The following DZIP1L variants were observed in gnomAD, a reference collection of about 807,000 sequenced individuals.
DZIP1L encodes cilium assembly protein DZIP1L.
DZIP1L carries 90 observed loss-of-function variants against 88.7 expected under a neutral mutation model. The observed-to-expected ratio is 1.02, with a 90% CI of 0.86 to 1.21. The LOEUF (loss-of-function observed/expected upper bound fraction) is 1.21, where lower values mean the gene tolerates loss of function less well. Ranked by LOEUF, DZIP1L falls within the 50% of genes most tolerant of loss-of-function variation. The pLI, the probability that DZIP1L is intolerant of heterozygous loss-of-function variation, is 0.00. For missense variants in DZIP1L, 932 were observed against 955.8 expected (o/e 0.98, Z 0.33); for synonymous variants, 363 against 372.1 (o/e 0.98, Z 0.28).
chr3:138,084,113 C>G lies in DZIP1L; in HGVS notation c.1203G>C (p.Met401Ile). The change falls in exon 8 of 16, where the codon ATG becomes ATC. Residue 401 changes from methionine (M) to isoleucine (I), a missense_variant and splice_region_variant. Met to Ile is a conservative substitution (Grantham distance 10). Transcript: ENST00000327532. The part of the protein sequence containing the change: ...QARIIASQEE[M>I]IQSLSLRKVE... ...TGGCTGAAAGGAAGGGCAGACCTAC[C>G]ATCTCCTCCTGGGAGGCAATGATCC... 1 of 1,613,450 alleles carries G rather than the reference C, an allele frequency of 6.2e-7. No homozygotes were observed. Among genetic ancestry groups the G allele is most frequent in the Non-Finnish European group, 8.5e-7 (1 of 1,179,664 alleles).
chr3:138,067,473 G>C (rs1380930611), intron 14 of DZIP1L, 58 bp downstream of exon 14: 1 of 1,508,894 alleles, frequency 6.6e-7, no homozygotes, highest in Non-Finnish European at 8.8e-7. Flanking sequence ...GAGAAATCTG[G>C]GCTGGAGAAG....
intron 6 of DZIP1L, among the ~76,000 whole-genome samples, chr3:138,087,403 C>T (rs920362086): frequency 5.9e-5 from 9 of 152,136 alleles, no homozygotes; most frequent in African/African-American, 1.7e-4. Flanking sequence ...AAAGAAAATA[C>T]GAATAATTGG....
In DZIP1L at chr3:138,077,607, C is replaced by T. The variant is rs1244295543; in HGVS notation, c.1314G>A (p.Gln438=). The T allele has an allele frequency of 6.2e-7, 1 of 1,614,192 alleles. No individual in the cohort carries two copies. Residue 438 remains glutamine, a synonymous_variant, in exon 11 of 16, where the codon CAG becomes CAA. Coordinates refer to ENST00000327532, the MANE Select transcript of DZIP1L (RefSeq NM_173543.3). ...GCCTCAGAGCTGCCAGCACCTTGTG[C>T]TGTTCATCCTGGGAGTCCTCCATCT... ...EEEMEDSQDE[Q]HKVLAALRRN...
At position 138,062,791 on chromosome 3, in the gene DZIP1L, C is replaced by T. The variant is rs753347963; in HGVS notation, c.*25G>A. Reference sequence around the variant, plus strand: ...AGCTGGCCCCAGCCAGGCTAACCCTCTAGCCAGCTAGCTTCTGGGGTGAAT... The same window carrying T: ...AGCTGGCCCCAGCCAGGCTAACCCTTTAGCCAGCTAGCTTCTGGGGTGAAT... On this transcript the variant is annotated 3_prime_UTR_variant, in exon 16 of 16. Transcript: ENST00000327532. 17 of 1,612,790 alleles carry T rather than the reference C, an allele frequency of 1.1e-5. No homozygotes were observed. In the Admixed American group the frequency reaches 2.8e-4, roughly 27 times the overall value.
intron 3 of DZIP1L, among the ~76,000 whole-genome samples, chr3:138,095,808 G>T: frequency 6.6e-6 from 1 of 150,888 alleles, no homozygotes; most frequent in East Asian, 1.9e-4. Flanking sequence ...AATTTCAAAT[G>T]GAAAAAAAAA....
At chr3:138,094,552 A>G (rs1944377511) in intron 4 of DZIP1L, among the ~76,000 whole-genome samples, 1 of 152,240 alleles carries the variant, frequency 6.6e-6, no homozygotes, top group African/African-American at 2.4e-5. Context: ...TTTGTCCACA[A>G]AAAGTTAACT....
intron 3 of DZIP1L, among the ~76,000 whole-genome samples, 200 bp from the exon 4 acceptor site, chr3:138,095,183 C>G (rs1377311714): frequency 6.6e-6 from 1 of 152,220 alleles, no homozygotes; most frequent in African/African-American, 2.4e-5. Flanking sequence ...GCACCTAACT[C>G]AGAGGGCTGC....
chr3:138,101,676 A>G, intron 2 of DZIP1L: 1 of 799,684 alleles, frequency 1.3e-6, no homozygotes, highest in Non-Finnish European at 2.2e-6. Flanking sequence ...GACCACCTGC[A>G]TAGCCGCTGG....
At chr3:138,079,228 CCT>C (rs1236148365) in intron 10 of DZIP1L, among the ~76,000 whole-genome samples, 1 of 152,190 alleles carries the variant, frequency 6.6e-6, no homozygotes, top group Non-Finnish European at 1.5e-5. Flanking sequence ...TCAGGCTCCT[CCT>C]CTCTAGAACC....
At chr3:138,080,641 T>G in intron 9 of DZIP1L, 21 bp from the exon 10 acceptor site, 1 of 1,611,814 alleles carries the variant, frequency 6.2e-7, no homozygotes, top group Non-Finnish European at 8.5e-7. Context: ...GAGGAACAGT[T>G]AGTGGCACCA....
chr3:138,084,004 G>C, intron 8 of DZIP1L, 109 bp downstream of exon 8: 1 of 1,444,334 alleles, frequency 6.9e-7, no homozygotes, highest in Non-Finnish European at 9.3e-7. Context: ...TCCTTAAGGA[G>C]CCTGAGTGGT....
intron 2 of DZIP1L, chr3:138,102,041 C>G: frequency 1.4e-6 from 2 of 1,471,506 alleles, no homozygotes; most frequent in Non-Finnish European, 9.5e-7. Flanking sequence ...GCTTCCCAGC[C>G]AGCATCTGCA....
intron 5 of DZIP1L, among the ~76,000 whole-genome samples, chr3:138,090,240 T>TG (rs1243161549): frequency 6.6e-6 from 1 of 152,168 alleles, no homozygotes; most frequent in Non-Finnish European, 1.5e-5. Context: ...AAGGATATCA[T>TG]GGATGGTAAG....
chr3:138,097,662 G>T, intron 3 of DZIP1L, 101 bp downstream of exon 3: 2 of 1,070,292 alleles, frequency 1.9e-6, no homozygotes, highest in Non-Finnish European at 2.7e-6. Flanking sequence ...GTGAGGTTCT[G>T]AGAGCAGTTT....
chr3:138,107,106 G>A (rs1347953885), intron 1 of DZIP1L, among the ~76,000 whole-genome samples: 1 of 152,130 alleles, frequency 6.6e-6, no homozygotes, highest in Admixed American at 6.5e-5. Flanking sequence ...CCTACAAACA[G>A]GTATTATTAT....
At position 138,067,613 on chromosome 3, in the gene DZIP1L, C is replaced by T. The variant is rs1299030399; in HGVS notation, c.1920G>A (p.Met640Ile). ...SLQPPKVPSR[M>I]VPRPKDDWDW... The stretch of plus-strand genomic sequence containing the variant: ...CCCAGTCATCCTTGGGCCGGGGCAC[C>T]ATCCTGGAAGGAACTTTTGGGGGCT... The change falls in exon 14 of 16, where the codon ATG (methionine) becomes ATA (isoleucine). Residue 640 changes from methionine to isoleucine, a missense_variant. By Grantham distance (10) the Met-to-Ile change is conservative. Transcript: ENST00000327532. The T allele has an allele frequency of 4.3e-6, 7 of 1,611,886 alleles. No homozygotes were observed. The highest frequency in any genetic ancestry group is 3.3e-5 in the Admixed American group (2 of 59,754).
intron 4 of DZIP1L, among the ~76,000 whole-genome samples, chr3:138,093,663 A>G (rs1944340126): frequency 6.6e-6 from 1 of 152,252 alleles, no homozygotes; most frequent in African/African-American, 2.4e-5. Context: ...CTTCTACATT[A>G]GCACTTGCTG....
At chr3:138,091,606 A>C (rs116584162) in intron 5 of DZIP1L, among the ~76,000 whole-genome samples, 3,659 of 129,262 alleles carry the variant, frequency 0.028, 192 homozygotes, top group African/African-American at 0.1. Flanking sequence ...CGACACAGCG[A>C]GACAGTGAGA....
rs1461711737 is a variant in DZIP1L, at chr3:138,094,878, C to T, written c.692G>A (p.Arg231Lys). Residue 231 changes from arginine to lysine, a missense_variant, in exon 4 of 16, where the codon AGG (arginine) becomes AAG (lysine). Physicochemically the swap from Arg to Lys is conservative, Grantham distance 26. Coordinates refer to ENST00000327532, the MANE Select transcript of DZIP1L (RefSeq NM_173543.3). ...CCTGCCCACCTGGAGCTGCCGCTGC[C>T]TCTCCGCCTCCCTCTGGGCTTCCAG... ...GELEAQREAERQRQLQEAELI... is the reference protein window; with the variant it reads ...GELEAQREAEKQRQLQEAELI... 1 of 1,614,114 alleles carries T rather than the reference C, an allele frequency of 6.2e-7. No homozygotes were observed. The highest frequency in any genetic ancestry group is 1.7e-5 in the Admixed American group (1 of 60,008).
Sources: gnomAD v4.1 joint callset for allele counts (sites outside exome capture counted in the v4.1 genomes callset) on GRCh38, gnomAD v4.1.1 for gene constraint, MANE v1.5 for transcripts, NCBI Gene and HGNC (gene_info 2026-07-23, HGNC 2026-07-21) for gene names.